Variants in PITPNM1 observed in about 807,000 individuals in gnomAD.
The protein encoded by PITPNM1 is membrane-associated phosphatidylinositol transfer protein 1.
PITPNM1 carries 74 observed loss-of-function variants against 133.3 expected under a neutral mutation model. That is an observed-to-expected ratio of 0.56 (90% CI 0.46 to 0.67). The LOEUF (loss-of-function observed/expected upper bound fraction) is 0.67. PITPNM1 is among the 30% of genes least tolerant of loss of function. PITPNM1 has a pLI of 0.00. For synonymous variants in PITPNM1, 738 were observed against 741.4 expected (o/e 1.00, Z 0.08); for missense variants, 1,398 against 1,739.5 (o/e 0.80, Z 3.49).
In PITPNM1 at chr11:67,504,847, G is replaced by A. The variant is rs974891039; in HGVS notation, c.-42+341C>T. The A allele has an allele frequency of 1.3e-5, 2 of 152,684 alleles. No homozygotes were observed. Among genetic ancestry groups the A allele is most frequent in the African/African-American group, 2.4e-5 (1 of 41,454 alleles). 9.5% of individuals were successfully genotyped at this position (152,684 alleles called of 1,614,324 possible). ...TCCAGATCTGCCTTCTTGGGCAGCC[G>A]GGTCCTCGACCTCCCCCTCCCAGCA... On this transcript the variant is annotated intron_variant, in intron 1 of 23. Transcript: ENST00000356404. This position sits in a 1 kb window ranked among gnomAD's most constrained non-coding sequence, Gnocchi z 5.4.
In PITPNM1 at chr11:67,501,094, C is replaced by T. The variant is rs374753880; in HGVS notation, c.641-673G>A. Among the ~76,000 whole-genome samples the T allele has an allele frequency of 6.6e-4, 100 of 152,332 alleles. No individual in the cohort carries two copies. In the South Asian group the frequency reaches 0.017, roughly 26 times the overall value. On this transcript the variant is annotated intron_variant, in intron 5 of 23. Transcript: ENST00000356404. ...TCACCTGTAAAATGGGAATAATCAT[C>T]GTCATTACCTGGTGGGGTGTTGTGG...
rs753732210 is a variant in PITPNM1 at position 67,502,075 on chromosome 11, T to C, written c.427A>G (p.Ile143Val). The change falls in exon 5 of 24, where the codon ATC (isoleucine) becomes GTC (valine). Residue 143 changes from isoleucine to valine, a missense_variant. By Grantham distance (29) the Ile-to-Val change is conservative. Around this residue, in one of 5 missense-constraint regions of PITPNM1, gnomAD observed 274 missense variants for 360.7 expected, o/e 0.76. Coordinates refer to ENST00000356404, the MANE Select transcript of PITPNM1 (RefSeq NM_004910.3). The surrounding 1 kb of genome is among the most constrained non-coding windows in gnomAD (Gnocchi z 5.9). ...RRQRILDTID[I>V]VRDAVAPGEY... is the part of the protein sequence containing the mutation. ...CCTGGGGCCACTGCATCCCGCACGA[T>C]GTCGATGGTGTCTGAGGGAGTTCGG... 6.2e-7 allele frequency: 1 copy of C among 1,611,762 alleles called. No homozygotes were observed. The highest frequency in any genetic ancestry group is 8.5e-7 in the Non-Finnish European group (1 of 1,179,128).
intron 22 of PITPNM1, 44 bp downstream of exon 22, chr11:67,493,366 G>A (rs1389639944): frequency 4.0e-6 from 6 of 1,502,460 alleles, no homozygotes; most frequent in East Asian, 2.4e-5. Context: ...GTAAGGGGGA[G>A]CGGGGGCGGG....
intron 18 of PITPNM1, 130 bp downstream of exon 18, chr11:67,494,716 G>T: frequency 1.5e-6 from 1 of 648,392 alleles, no homozygotes; most frequent in South Asian, 1.8e-5. Context: ...CCCAGGGGCG[G>T]GGCAGGACTG....
At chr11:67,496,103 T>C (rs1314656756) in intron 15 of PITPNM1, 75 bp downstream of exon 15, 13 of 1,340,594 alleles carry the variant, frequency 9.7e-6, no homozygotes, top group Admixed American at 3.3e-5. Context: ...GGGAGCCTCC[T>C]CATGTCTTCT....
intron 14 of PITPNM1, chr11:67,496,552 T>G: frequency 1.9e-6 from 1 of 526,002 alleles, no homozygotes; most frequent in Non-Finnish European, 3.3e-6. Flanking sequence ...GGAATCCCAG[T>G]ACTGCGGGAG....
At chr11:67,505,986 G>T (rs1389919689), upstream of PITPNM1, among the ~76,000 whole-genome samples, 5 of 152,214 alleles carry the variant, frequency 3.3e-5, no homozygotes, top group African/African-American at 9.6e-5. This position sits in a 1 kb window ranked among gnomAD's most constrained non-coding sequence, Gnocchi z 5.8. Flanking sequence ...TGGGTTCATG[G>T]GATCCCACCC....
intron 14 of PITPNM1, 46 bp downstream of exon 14, chr11:67,497,185 G>A (rs1417985581): frequency 3.4e-6 from 5 of 1,478,710 alleles, no homozygotes; most frequent in African/African-American, 2.8e-5. Context: ...GGGGAAGGAA[G>A]GGGCAGACAG....
chr11:67,491,909 T>G lies in PITPNM1; in HGVS notation c.*124A>C. 1.1e-5 allele frequency: 12 copies of G among 1,044,858 alleles called. No homozygotes were observed. The South Asian group carries it at 1.7e-4, about 15-fold the overall frequency. The allele number at this position is 1,044,858 out of a possible 1,614,324, so 64.7% of individuals were successfully genotyped here. ...TAACACCGAGGAGCACACGGAGATATAGGGTGTGGGGCTGGGGGGGCCAGC... is the reference window on the plus strand; with the variant it reads ...TAACACCGAGGAGCACACGGAGATAGAGGGTGTGGGGCTGGGGGGGCCAGC... On this transcript the variant is annotated 3_prime_UTR_variant, in exon 24 of 24. Coordinates refer to ENST00000356404, the MANE Select transcript of PITPNM1 (RefSeq NM_004910.3).
In PITPNM1 at chr11:67,497,555, A is replaced by G. The variant is rs1866167657; in HGVS notation, c.1907T>C (p.Met636Thr). The G allele has an allele frequency of 1.9e-6, 3 of 1,610,130 alleles. No homozygotes were observed. Among genetic ancestry groups the G allele is most frequent in the African/African-American group, 1.3e-5 (1 of 74,820 alleles). The change falls in exon 13 of 24, where the codon ATG becomes ACG. Residue 636 changes from methionine to threonine, a missense_variant. Met to Thr is a moderately conservative substitution (Grantham distance 81). Coordinates refer to ENST00000356404, the MANE Select transcript of PITPNM1 (RefSeq NM_004910.3). ...AGAGCCCTCGGGCTCAGGACTGGCC[A>G]TGTCGCTGGGGATGCGCTGGGGAGG... is the stretch of plus-strand genomic sequence containing the variant. The part of the protein sequence containing the change: ...ALPPQRIPSD[M>T]ASPEPEGSQN...
Position 67,492,241 on chromosome 11 carries a change from G to C in PITPNM1, c.3527C>G (p.Ser1176Trp), listed in dbSNP as rs529490671. 2 of 1,601,592 alleles carry C rather than the reference G, an allele frequency of 1.2e-6. No individual in the cohort carries two copies. Among genetic ancestry groups the C allele is most frequent in the African/African-American group, 1.4e-5 (1 of 73,990 alleles). ...TCTCGGGGGTCCCGAGGAGGCATGC[G>C]AGTGCGAGCCCGCTTCCAGCTGGCC... Reference protein sequence around the residue: ...HLGQLEAGSHSHASSGPPRAA... With the variant: ...HLGQLEAGSHWHASSGPPRAA... Residue 1176 changes from serine (S) to tryptophan (W), a missense_variant, in exon 24 of 24, where the codon TCG (serine) becomes TGG (tryptophan). This residue lies in a region of PITPNM1 where 122 missense variants were observed against 123.3 expected (regional missense o/e 0.99). Transcript: ENST00000356404.
rs776259998 is a variant in PITPNM1 at position 67,498,709 on chromosome 11, G to A, written c.1371C>T (p.Ser457=). 2 of 1,607,634 alleles carry A rather than the reference G, an allele frequency of 1.2e-6. No individual in the cohort carries two copies. The highest frequency in any genetic ancestry group is 2.7e-5 in the African/African-American group (2 of 74,938). The change falls in exon 10 of 24, where the codon AGC becomes AGT. Residue 457 remains serine, a synonymous_variant. Coordinates refer to ENST00000356404, the MANE Select transcript of PITPNM1 (RefSeq NM_004910.3). The surrounding 1 kb of genome is among the most constrained non-coding windows in gnomAD (Gnocchi z 5.7). ...NSKQADVQTL[S]SAFEAVTRIH... ...TGCGGGTGACGGCCTCGAAGGCGGA[G>A]CTCAGCGTCTGCACATCCGCCTGCT...
chr11:67,501,063 A>G (rs985595781), intron 5 of PITPNM1, among the ~76,000 whole-genome samples: 1 of 152,224 alleles, frequency 6.6e-6, no homozygotes, highest in African/African-American at 2.4e-5. Flanking sequence ...TCTAAGCTGA[A>G]TTTCCTCACC....
chr11:67,499,018 C>A lies in PITPNM1; in HGVS notation c.1172-17G>T, dbSNP rs1401776267. ...CTCCAGGCTCTGCAGGGCAACGAAGCCAGTGAGAGGGACGGAGAGGACCAC... is the reference window on the plus strand; with the variant it reads ...CTCCAGGCTCTGCAGGGCAACGAAGACAGTGAGAGGGACGGAGAGGACCAC... On this transcript the variant is annotated splice_polypyrimidine_tract_variant and intron_variant, in intron 8 of 23. Coordinates refer to ENST00000356404, the MANE Select transcript of PITPNM1 (RefSeq NM_004910.3). The A allele has an allele frequency of 5.0e-6, 8 of 1,606,310 alleles. No homozygotes were observed. The highest frequency in any genetic ancestry group is 5.9e-6 in the Non-Finnish European group (7 of 1,176,706).
At chr11:67,503,100 C>T (rs1340291219) in intron 2 of PITPNM1, among the ~76,000 whole-genome samples, 8 of 152,202 alleles carry the variant, frequency 5.3e-5, no homozygotes, top group Non-Finnish European at 1.0e-4. Flanking sequence ...TGTTAGAAGG[C>T]GCTAGGTGCT....
chr11:67,503,519 C>G (rs1866398845), intron 2 of PITPNM1, among the ~76,000 whole-genome samples: 1 of 152,218 alleles, frequency 6.6e-6, no homozygotes, highest in African/African-American at 2.4e-5. Flanking sequence ...ATGGCCCTTT[C>G]AAGCCCGAGG....
At position 67,496,213 on chromosome 11, in the gene PITPNM1, T is replaced by C. The variant is rs779451412; in HGVS notation, c.2282A>G (p.Lys761Arg). 1.9e-6 allele frequency: 3 copies of C among 1,546,218 alleles called. No homozygotes were observed. The South Asian group carries it at 3.7e-5, about 19-fold the overall frequency. The change falls in exon 15 of 24, where the codon AAG becomes AGG. Residue 761 changes from lysine to arginine, a missense_variant. Around this residue, in one of 5 missense-constraint regions of PITPNM1, gnomAD observed 574 missense variants for 698.7 expected, o/e 0.82. Coordinates refer to ENST00000356404, the MANE Select transcript of PITPNM1 (RefSeq NM_004910.3). The stretch of plus-strand genomic sequence containing the variant: ...GGATGAGCCATCTCCCAGGGGGAAC[T>C]TCTGGTAGCGGGGCACGGTCAGTGG... ...IAPLTVPRYQ[K>R]FPLGDGSSLL...
chr11:67,491,836 G>T lies in PITPNM1; in HGVS notation c.*197C>A, dbSNP rs893094797. 1.6e-6 allele frequency: 1 copy of T among 619,132 alleles called. No homozygotes were observed. Among genetic ancestry groups the T allele is most frequent in the South Asian group, 2.0e-5 (1 of 49,400 alleles). The allele number at this position is 619,132 out of a possible 1,614,324, so 38.4% of individuals were successfully genotyped here. A position where few individuals can be genotyped will look rare whatever the true frequency, so the allele number is the denominator to read the frequency against. ...GAAAAGCCTCTGCGCCCATGCCCAC[G>T]CCCTCCTCCCTCCCCCCGGCGCTGG... On this transcript the variant is annotated 3_prime_UTR_variant, in exon 24 of 24. Transcript: ENST00000356404.
rs781413256 is a variant in PITPNM1 at position 67,494,289 on chromosome 11, G to A, written c.2814C>T (p.Arg938=). 1.9e-6 allele frequency: 3 copies of A among 1,612,566 alleles called. No homozygotes were observed. The highest frequency in any genetic ancestry group is 3.3e-5 in the Admixed American group (2 of 59,980). ...CGACGTCCAGGGGCCCGTACATGAA[G>A]CGCCCGCTTAGCACCTGGGGGCGGC... ...CEGRPQVLSG[R]FMYGPLDVVT... Residue 938 remains arginine (R), a synonymous_variant, in exon 19 of 24, where the codon CGC becomes CGT. Coordinates refer to ENST00000356404, the MANE Select transcript of PITPNM1 (RefSeq NM_004910.3).
Sources: gnomAD v4.1 joint callset for allele counts (sites outside exome capture counted in the v4.1 genomes callset) on GRCh38, gnomAD v4.1.1 for gene constraint, gnomAD v4.1.1 regional missense constraint, Gnocchi (gnomAD v3.1) non-coding constraint, MANE v1.5 for transcripts, NCBI Gene and HGNC (gene_info 2026-07-23, HGNC 2026-07-21) for gene names.